Variants in LRP8 observed in about 807,000 individuals in gnomAD.
The protein encoded by LRP8 is LDL receptor related protein 8.
Under a neutral mutation model 111.6 loss-of-function variants are expected in LRP8, and 46 were observed. That is an observed-to-expected ratio of 0.41 (90% CI 0.33 to 0.53). The LOEUF (loss-of-function observed/expected upper bound fraction) is 0.53. LRP8 is among the 20% of genes least tolerant of loss of function. The pLI is 0.20. For synonymous variants in LRP8, 464 were observed against 511.2 expected (o/e 0.91, Z 1.24); for missense variants, 959 against 1,297.4 (o/e 0.74, Z 4.01).
At position 53,271,318 on chromosome 1, in the gene LRP8, G is replaced by A. The variant is rs374879339; in HGVS notation, c.1035C>T (p.Gly345=). Residue 345 remains glycine, a synonymous_variant, in exon 7 of 19, where the codon GGC becomes GGT. Coordinates refer to ENST00000306052, the MANE Select transcript of LRP8 (RefSeq NM_004631.5). ...QGLNECLHNN[G]GCSHICTDLK... is the part of the protein sequence containing the mutation. ...GGTCAGTGCAGATGTGTGAGCAGCCGCCATTGTTGTGCAGACACTCGTTCA... is the reference window on the plus strand; with the variant it reads ...GGTCAGTGCAGATGTGTGAGCAGCCACCATTGTTGTGCAGACACTCGTTCA... The A allele has an allele frequency of 2.1e-5, 34 of 1,613,852 alleles. No homozygotes were observed. The highest frequency in any genetic ancestry group is 1.6e-4 in the Middle Eastern group (1 of 6,084).
At chr1:53,322,617 C>T (rs2100550653) in intron 2 of LRP8, among the ~76,000 whole-genome samples, 1 of 152,284 alleles carries the variant, frequency 6.6e-6, no homozygotes. Context: ...TGACTTTATT[C>T]TCTGGATAGT....
intron 16 of LRP8, among the ~76,000 whole-genome samples, chr1:53,251,333 C>T (rs926666606): frequency 5.9e-5 from 9 of 152,052 alleles, no homozygotes; most frequent in African/African-American, 1.9e-4. Flanking sequence ...TCTAAGAAAA[C>T]GATTCTCTCC....
At chr1:53,302,485 G>A (rs1400765289) in intron 2 of LRP8, among the ~76,000 whole-genome samples, 12 of 152,120 alleles carry the variant, frequency 7.9e-5, no homozygotes, top group Admixed American at 7.9e-4. Flanking sequence ...GGGGAGATGA[G>A]TGACGTCACC....
chr1:53,272,748 G>A (rs761722235), intron 6 of LRP8: 14 of 954,638 alleles, frequency 1.5e-5, no homozygotes, highest in East Asian at 6.1e-5. Context: ...GCTGAGCCAC[G>A]GCAGCTCCCA....
intron 1 of LRP8, 65 bp from the exon 2 acceptor site, chr1:53,327,057 G>T: frequency 1.3e-6 from 2 of 1,582,340 alleles, no homozygotes; most frequent in Admixed American, 1.7e-5. Flanking sequence ...CATGCAGTCC[G>T]GGCCACCCGG....
At chr1:53,321,978 C>T (rs997942437) in intron 2 of LRP8, among the ~76,000 whole-genome samples, 11 of 152,152 alleles carry the variant, frequency 7.2e-5, no homozygotes, top group Admixed American at 2.6e-4. Flanking sequence ...GGGCAACTCC[C>T]TGGCTGAGGC....
Position 53,264,351 on chromosome 1 carries a change from G to C in LRP8, c.1473C>G (p.Leu491=), listed in dbSNP as rs149749432. Residue 491 remains leucine (L), a synonymous_variant, in exon 10 of 19, where the codon CTC becomes CTG. Coordinates refer to ENST00000306052, the MANE Select transcript of LRP8 (RefSeq NM_004631.5). ...KASDPKEQEV[L]IDEQLHSPEG... ...CTGGAGAGTGCAACTGCTCGTCAAT[G>C]AGGACCTCCTGCTCTTTCGGGTCAC... is the stretch of plus-strand genomic sequence containing the variant. 7.8e-5 allele frequency: 126 copies of C among 1,614,112 alleles called. 2 individuals carry two copies. The highest frequency in any genetic ancestry group is 6.6e-4 in the Middle Eastern group (4 of 6,062).
At chr1:53,322,375 AC>A (rs1654624901) in intron 2 of LRP8, among the ~76,000 whole-genome samples, 1 of 152,134 alleles carries the variant, frequency 6.6e-6, no homozygotes, top group Admixed American at 6.5e-5. Context: ...AGGAGGTGAC[AC>A]CTGCACCGGA....
chr1:53,266,217 C>A lies in LRP8; in HGVS notation c.1427+256G>T, dbSNP rs34174091. ...CAAACAGTTCCTGTGTCTTGTGCTT[C>A]CATATTAGGCCTCCAGAGGTCAGAC... On this transcript the variant is annotated intron_variant, in intron 9 of 18. Transcript: ENST00000306052. The surrounding 1 kb of genome is among the most constrained non-coding windows in gnomAD (Gnocchi z 5.0). Among the ~76,000 whole-genome samples the A allele has an allele frequency of 6.6e-6, 1 of 152,180 alleles. No homozygotes were observed. Among genetic ancestry groups the A allele is most frequent in the Non-Finnish European group, 1.5e-5 (1 of 68,038 alleles).
At chr1:53,312,248 G>A (rs1277656055) in intron 2 of LRP8, among the ~76,000 whole-genome samples, 2 of 152,166 alleles carry the variant, frequency 1.3e-5, no homozygotes, top group African/African-American at 4.8e-5. Flanking sequence ...CAGGCCTCCT[G>A]GCCCTATCCA....
intron 2 of LRP8, among the ~76,000 whole-genome samples, chr1:53,297,368 T>C (rs1649931689): frequency 6.6e-6 from 1 of 152,220 alleles, no homozygotes; most frequent in Non-Finnish European, 1.5e-5. Context: ...AGTCTCTGAC[T>C]ACTCAAGGCT....
At chr1:53,325,946 G>A (rs1457692022) in intron 2 of LRP8, among the ~76,000 whole-genome samples, 1 of 152,226 alleles carries the variant, frequency 6.6e-6, no homozygotes, top group African/African-American at 2.4e-5. Context: ...ACAACTGCCT[G>A]CTAACTAGCT....
At chr1:53,257,902 G>C in intron 14 of LRP8, 1 of 223,264 alleles carries the variant, frequency 4.5e-6, no homozygotes, top group Non-Finnish European at 9.0e-6. Flanking sequence ...TGTGTATGCG[G>C]TTGAAGTATT....
chr1:53,320,079 C>T (rs1185872537), intron 2 of LRP8, among the ~76,000 whole-genome samples: 2 of 152,256 alleles, frequency 1.3e-5, no homozygotes, highest in African/African-American at 4.8e-5. Flanking sequence ...AGTCATGATA[C>T]CTCAAGGCAC....
chr1:53,277,644 G>C (rs1426321471), intron 4 of LRP8, among the ~76,000 whole-genome samples: 2 of 152,132 alleles, frequency 1.3e-5, no homozygotes, highest in Non-Finnish European at 1.5e-5. Context: ...CTTTACTCAA[G>C]TTGCTCCATC....
chr1:53,304,340 G>A (rs757179429), intron 2 of LRP8, among the ~76,000 whole-genome samples: 1 of 152,186 alleles, frequency 6.6e-6, no homozygotes, highest in Admixed American at 6.5e-5. Flanking sequence ...GGGGAGGAAA[G>A]GCAGGCCCAC....
chr1:53,326,721 G>T, intron 2 of LRP8, 152 bp downstream of exon 2: 1 of 1,289,478 alleles, frequency 7.8e-7, no homozygotes, highest in Non-Finnish European at 1.0e-6. Flanking sequence ...CCCGAGGGAG[G>T]CGGTGCCCAG....
intron 2 of LRP8, among the ~76,000 whole-genome samples, chr1:53,320,503 G>A (rs980758096): frequency 2.0e-5 from 3 of 152,282 alleles, no homozygotes; most frequent in South Asian, 2.1e-4. Context: ...GCCAGGCCCC[G>A]TGTTACTACA....
At chr1:53,289,720 C>A in intron 2 of LRP8, 31 bp from the exon 3 acceptor site, 2 of 1,611,892 alleles carry the variant, frequency 1.2e-6, no homozygotes, top group Non-Finnish European at 8.5e-7. Flanking sequence ...CGTGGTGAGC[C>A]TGGGAGCAGT....
Sources: allele counts gnomAD v4.1 joint callset (sites outside exome capture counted in the v4.1 genomes callset), GRCh38; gene constraint gnomAD v4.1.1; non-coding constraint Gnocchi (gnomAD v3.1); transcripts MANE v1.5; gene names NCBI Gene and HGNC (gene_info 2026-07-23, HGNC 2026-07-21).